NTRK2: variants seen among roughly 807,000 people sequenced by gnomAD.
NTRK2 encodes the protein neurotrophic receptor tyrosine kinase 2, also known as BDNF/NT-3 growth factors receptor.
NTRK2 carries 13 observed loss-of-function variants against 94.5 expected under a neutral mutation model. The ratio of observed to expected loss-of-function variants is 0.14; its 90% CI spans 0.09 to 0.22. The LOEUF is 0.22. Ranked by LOEUF, NTRK2 falls within the 10% of genes least tolerant of loss-of-function variation. The pLI is 1.00. For missense variants in NTRK2, 639 were observed against 1,071.2 expected, an observed-to-expected ratio of 0.60 and a Z score of 5.63; for synonymous variants, 372 against 407.4, an observed-to-expected ratio of 0.91 and a Z score of 1.05.
chr9:85,024,596 G>T lies in NTRK2; in HGVS notation c.*3159G>T, dbSNP rs1446687445. The stretch of plus-strand genomic sequence containing the variant: ...AAGTACTCTCACTCTGAACTTCGTG[G>T]TTCTGTCCACTAGAGACTCTAATAT... On this transcript the variant is annotated 3_prime_UTR_variant, in exon 19 of 19. Transcript: ENST00000277120. 3 of 232,864 alleles carry T rather than the reference G, an allele frequency of 1.3e-5. No homozygotes were observed. The highest frequency in any genetic ancestry group is 2.5e-5 in the Non-Finnish European group (3 of 117,894). 14.4% of individuals were successfully genotyped at this position (232,864 alleles called of 1,614,324 possible). A position where few individuals can be genotyped will look rare whatever the true frequency, so the allele number is the denominator to read the frequency against.
chr9:84,909,174 T>A (rs542868012), intron 14 of NTRK2, among the ~76,000 whole-genome samples: 9 of 152,288 alleles, frequency 5.9e-5, no homozygotes, highest in African/African-American at 2.2e-4. Flanking sequence ...TCATTCAGGA[T>A]GTAAACTTTT....
intron 14 of NTRK2, among the ~76,000 whole-genome samples, chr9:84,920,849 G>T (rs1031726745): frequency 6.6e-5 from 10 of 152,204 alleles, no homozygotes; most frequent in Non-Finnish European, 8.8e-5. Context: ...CACAGGGACA[G>T]TGTCATCAGC....
At chr9:85,016,200 C>T (rs1413746120) in intron 17 of NTRK2, among the ~76,000 whole-genome samples, 1 of 152,190 alleles carries the variant, frequency 6.6e-6, no homozygotes, top group Non-Finnish European at 1.5e-5. Flanking sequence ...TAACTCTTCA[C>T]ATTTTACCAA....
At chr9:84,690,348 A>C (rs1564059390) in intron 2 of NTRK2, among the ~76,000 whole-genome samples, 1 of 152,158 alleles carries the variant, frequency 6.6e-6, no homozygotes, top group Non-Finnish European at 1.5e-5. Flanking sequence ...CTTCTTGTGA[A>C]ATGATTTGTC....
chr9:84,776,055 T>C (rs1379117475), intron 12 of NTRK2, among the ~76,000 whole-genome samples: 1 of 152,138 alleles, frequency 6.6e-6, no homozygotes. Flanking sequence ...TGGGCTGTTT[T>C]CTACATTATT....
intron 2 of NTRK2, among the ~76,000 whole-genome samples, chr9:84,685,030 C>T (rs2131452792): frequency 6.6e-6 from 1 of 151,006 alleles, no homozygotes; most frequent in African/African-American, 2.4e-5. Context: ...AAGATTATTC[C>T]CTTTTCTAAG....
At chr9:84,978,322 G>T (rs926124702) in intron 17 of NTRK2, among the ~76,000 whole-genome samples, 1 of 152,210 alleles carries the variant, frequency 6.6e-6, no homozygotes, top group Non-Finnish European at 1.5e-5. Context: ...TGAATGACAA[G>T]AAAGCAAAAC....
intron 6 of NTRK2, among the ~76,000 whole-genome samples, chr9:84,716,062 A>G (rs1019001930): frequency 2.0e-5 from 3 of 152,156 alleles, no homozygotes; most frequent in African/African-American, 7.2e-5. Context: ...CCCTGCACCT[A>G]TTTTACTAGT....
Position 84,791,962 on chromosome 9 carries a change from G to C in NTRK2, c.1396+39877G>C, listed in dbSNP as rs4370611. On this transcript the variant is annotated intron_variant, in intron 12 of 18. Coordinates refer to ENST00000277120, the MANE Select transcript of NTRK2 (RefSeq NM_006180.6). Reference sequence around the variant, plus strand: ...TGTCAATGAGCAGACAGGCATTTGAGGGGGAGTCTCTTTGTCCTGTGATTC... The same window carrying C: ...TGTCAATGAGCAGACAGGCATTTGACGGGGAGTCTCTTTGTCCTGTGATTC... 8.9e-3 allele frequency among the ~76,000 whole-genome samples: 1,353 copies of C among 152,300 alleles called. 13 individuals are homozygous for C. Among genetic ancestry groups the C allele is most frequent in the Non-Finnish European group, 0.013 (905 of 68,020 alleles).
chr9:84,945,223 T>C (rs1238590262), intron 15 of NTRK2, among the ~76,000 whole-genome samples: 1 of 152,234 alleles, frequency 6.6e-6, no homozygotes, highest in African/African-American at 2.4e-5. Flanking sequence ...CTTTTCCAGA[T>C]GATCATTCAC....
intron 8 of NTRK2, among the ~76,000 whole-genome samples, chr9:84,727,310 A>T (rs1464154445): frequency 6.6e-6 from 1 of 152,216 alleles, no homozygotes; most frequent in African/African-American, 2.4e-5. Flanking sequence ...CAAGATACAG[A>T]TATTAGAAAC....
chr9:84,697,339 T>C (rs1199902924), intron 2 of NTRK2, among the ~76,000 whole-genome samples: 1 of 152,110 alleles, frequency 6.6e-6, no homozygotes, highest in Non-Finnish European at 1.5e-5. Flanking sequence ...GGCCTAAGCT[T>C]TCTAGAGCAG....
intron 12 of NTRK2, chr9:84,811,394 G>A: frequency 9.4e-7 from 1 of 1,066,018 alleles, no homozygotes; most frequent in Non-Finnish European, 1.1e-6. Context: ...GTTAGGCATA[G>A]TCAATTTCAG....
At chr9:84,689,176 G>A (rs999192668) in intron 2 of NTRK2, among the ~76,000 whole-genome samples, 1 of 152,202 alleles carries the variant, frequency 6.6e-6, no homozygotes, top group African/African-American at 2.4e-5. Context: ...TGTGAGGTTG[G>A]GAGGACTGAA....
intron 12 of NTRK2, among the ~76,000 whole-genome samples, chr9:84,766,898 A>G (rs1007723996): frequency 3.3e-5 from 5 of 152,084 alleles, no homozygotes; most frequent in African/African-American, 9.7e-5. Flanking sequence ...CAAGACCCAC[A>G]TGTATTCAAT....
chr9:85,000,637 T>G (rs1379603728), intron 17 of NTRK2, among the ~76,000 whole-genome samples: 1 of 152,218 alleles, frequency 6.6e-6, no homozygotes, highest in African/African-American at 2.4e-5. Context: ...ATTGTATAGA[T>G]GTACTGCAGT....
intron 6 of NTRK2, among the ~76,000 whole-genome samples, chr9:84,722,562 C>T (rs548883557): frequency 2.0e-5 from 3 of 152,136 alleles, no homozygotes; most frequent in South Asian, 2.1e-4. Flanking sequence ...ACATAGCTGT[C>T]GGGTGACTAT....
chr9:84,717,734 C>T (rs909056284), intron 6 of NTRK2, among the ~76,000 whole-genome samples: 1 of 152,206 alleles, frequency 6.6e-6, no homozygotes, highest in Non-Finnish European at 1.5e-5. Context: ...CTATTACTAT[C>T]ATCAACAAGA....
At position 85,022,922 on chromosome 9, in the gene NTRK2, T is replaced by C. The variant is rs926363928; in HGVS notation, c.*1485T>C. On this transcript the variant is annotated 3_prime_UTR_variant, in exon 19 of 19. Transcript: ENST00000277120. The stretch of plus-strand genomic sequence containing the variant: ...CTCACCCTGAGGGCATCACATGCAC[T>C]CATGTTCAGTGTACACAGGTCAAGT... The C allele has an allele frequency of 4.3e-6, 1 of 233,124 alleles. No homozygotes were observed. Among genetic ancestry groups the C allele is most frequent in the Non-Finnish European group, 8.5e-6 (1 of 118,044 alleles). The allele number at this position is 233,124 out of a possible 1,614,324, so 14.4% of individuals were successfully genotyped here.
Sources: gnomAD v4.1 joint callset for allele counts (sites outside exome capture counted in the v4.1 genomes callset) on GRCh38, gnomAD v4.1.1 for gene constraint, MANE v1.5 for transcripts, NCBI Gene and HGNC (gene_info 2026-07-23, HGNC 2026-07-21) for gene names.